Variants in CLCN5 observed in about 807,000 individuals in gnomAD.
The protein encoded by CLCN5 is H(+)/Cl(-) exchange transporter 5.
A neutral mutation model predicts 54.0 loss-of-function variants in CLCN5; 17 were observed. The observed-to-expected ratio is 0.31, with a 90% CI of 0.22 to 0.47. The LOEUF (loss-of-function observed/expected upper bound fraction) is 0.47, where lower values mean the gene tolerates loss of function less well. Ranked by LOEUF, CLCN5 falls within the 20% of genes least tolerant of loss-of-function variation. The pLI is 1.00. For missense variants in CLCN5, 448 were observed against 646.7 expected, an observed-to-expected ratio of 0.69 and a Z score of 3.33; for synonymous variants, 222 against 233.0, an observed-to-expected ratio of 0.95 and a Z score of 0.43.
intron 3 of CLCN5, among the ~76,000 whole-genome samples, chrX:49,934,298 A>G (rs1557169267): frequency 8.9e-6 from 1 of 111,792 alleles, no homozygotes; most frequent in East Asian, 2.8e-4. Flanking sequence ...AGCTTATGAA[A>G]TAAACTATAA....
chrX:50,090,955 A>G (rs1934077308), intron 14 of CLCN5, 69 bp downstream of exon 14: 1 of 917,610 alleles, frequency 1.1e-6, no homozygotes, highest in African/African-American at 1.9e-5. Flanking sequence ...AAAGAAGTAG[A>G]AAGAAGTAGA....
chrX:49,969,497 T>C (rs1408692261), intron 3 of CLCN5, among the ~76,000 whole-genome samples: 8 of 112,604 alleles, frequency 7.1e-5, no homozygotes, highest in African/African-American at 9.7e-5. Flanking sequence ...GTTTCTAATT[T>C]TCCTTTTGAT....
rs1557195253 is a variant in CLCN5 at position 50,094,357 on chromosome X, C to A, written c.*2138C>A. 9.0e-6 allele frequency: 1 copy of A among 111,673 alleles called. No homozygotes were observed. The highest frequency in any genetic ancestry group is 1.9e-5 in the Non-Finnish European group (1 of 53,178). The allele number at this position is 111,673 out of a possible 1,213,427, so 9.2% of individuals were successfully genotyped here. A position where few individuals can be genotyped will look rare whatever the true frequency, so the allele number is the denominator to read the frequency against. On this transcript the variant is annotated 3_prime_UTR_variant, in exon 15 of 15. Coordinates refer to ENST00000376091, the MANE Select transcript of CLCN5 (RefSeq NM_001127898.4). Reference sequence around the variant, plus strand: ...CTTCATATGAGACTATTTGGCTTGACTACCCTGTATATTGTGTAGAAATCA... The same window carrying A: ...CTTCATATGAGACTATTTGGCTTGAATACCCTGTATATTGTGTAGAAATCA...
At chrX:49,976,521 ATGT>A (rs1557176922) in intron 3 of CLCN5, among the ~76,000 whole-genome samples, 1 of 112,376 alleles carries the variant, frequency 8.9e-6, no homozygotes, top group Non-Finnish European at 1.9e-5. Context: ...GGTAAGGATG[ATGT>A]TGTTACAAAG....
At position 49,968,898 on chromosome X, in the gene CLCN5, A is replaced by C. The variant is rs782733512; in HGVS notation, c.16+43584A>C. 6.3e-5 allele frequency among the ~76,000 whole-genome samples: 6 copies of C among 94,586 alleles called. No homozygotes were observed. In the East Asian group the frequency reaches 1.8e-3, roughly 29 times the overall value. The allele number at this position is 94,586 out of a possible 115,157, so 82.1% of individuals were successfully genotyped here. A position where few individuals can be genotyped will look rare whatever the true frequency, so the allele number is the denominator to read the frequency against. Reference sequence around the variant, plus strand: ...AACAGGCAACCTACAACATGGGAGAAAATTTTTGCAACCTACTCATCTGAC... The same window carrying C: ...AACAGGCAACCTACAACATGGGAGACAATTTTTGCAACCTACTCATCTGAC... On this transcript the variant is annotated intron_variant, in intron 3 of 14. Coordinates refer to ENST00000376091, the MANE Select transcript of CLCN5 (RefSeq NM_001127898.4).
At chrX:50,027,055 C>T (rs1931441494) in intron 3 of CLCN5, among the ~76,000 whole-genome samples, 1 of 97,979 alleles carries the variant, frequency 1.0e-5, no homozygotes. Flanking sequence ...TGGCCTGTTG[C>T]CCAGGCTGGA....
At chrX:50,028,056 G>A (rs1408084926) in intron 3 of CLCN5, among the ~76,000 whole-genome samples, 12 of 111,822 alleles carry the variant, frequency 1.1e-4, no homozygotes, top group Admixed American at 6.6e-4. Context: ...TGAGAGAATG[G>A]AAGCATTCTG....
At chrX:50,047,423 CCACAT>C (rs1557187864) in intron 4 of CLCN5, among the ~76,000 whole-genome samples, 1 of 111,500 alleles carries the variant, frequency 9.0e-6, no homozygotes, top group Non-Finnish European at 1.9e-5. Context: ...GGGCTATAAA[CCACAT>C]CAATGTAATA....
intron 3 of CLCN5, among the ~76,000 whole-genome samples, chrX:49,953,261 T>G (rs1305589803): frequency 1.8e-5 from 2 of 112,108 alleles, no homozygotes; most frequent in African/African-American, 6.5e-5. Context: ...ATTGTAGATA[T>G]GTTTCTATAT....
chrX:50,079,451 C>G (rs782749605), intron 7 of CLCN5, among the ~76,000 whole-genome samples: 37 of 112,137 alleles, frequency 3.3e-4, no homozygotes, highest in Admixed American at 9.4e-4. Flanking sequence ...GCATAACTTC[C>G]TAATCAAAAT....
intron 3 of CLCN5, among the ~76,000 whole-genome samples, chrX:49,935,361 G>A (rs111369165): frequency 0.058 from 6,491 of 111,540 alleles, 503 homozygotes; most frequent in African/African-American, 0.2. Context: ...TGGTCCTTGA[G>A]GGCATTGACT....
At chrX:50,043,833 AG>A (rs1350671197) in intron 4 of CLCN5, among the ~76,000 whole-genome samples, 2 of 112,041 alleles carry the variant, frequency 1.8e-5, no homozygotes, top group Non-Finnish European at 3.8e-5. Context: ...TAGAAAGGAC[AG>A]TATCACTTTA....
chrX:50,014,436 C>T (rs1171111792), intron 3 of CLCN5, among the ~76,000 whole-genome samples: 2 of 112,294 alleles, frequency 1.8e-5, no homozygotes, highest in African/African-American at 6.5e-5. Flanking sequence ...CCTAATATTC[C>T]TGCACGTGCT....
At chrX:50,001,989 A>G (rs1368265366) in intron 3 of CLCN5, among the ~76,000 whole-genome samples, 3 of 110,111 alleles carry the variant, frequency 2.7e-5, no homozygotes, top group Non-Finnish European at 5.7e-5. Context: ...TTCCACACTC[A>G]TGAGGTTGTC....
rs1194894564 is a variant in CLCN5 at position 50,098,017 on chromosome X, A to G, written c.*5798A>G. 9.0e-6 allele frequency: 1 copy of G among 111,668 alleles called. No homozygotes were observed. The highest frequency in any genetic ancestry group is 3.3e-5 in the African/African-American group (1 of 30,581). 9.2% of individuals were successfully genotyped at this position (111,668 alleles called of 1,213,427 possible). ...TCACATTAAGGGTACCTCAAAATACATGGTCCTTCCAGTGTGTTCCTTTTC... is the reference window on the plus strand; with the variant it reads ...TCACATTAAGGGTACCTCAAAATACGTGGTCCTTCCAGTGTGTTCCTTTTC... On this transcript the variant is annotated 3_prime_UTR_variant, in exon 15 of 15. Transcript: ENST00000376091.
intron 7 of CLCN5, among the ~76,000 whole-genome samples, chrX:50,077,963 G>A (rs1232065056): frequency 9.5e-6 from 1 of 105,390 alleles, no homozygotes; most frequent in Non-Finnish European, 1.9e-5. Flanking sequence ...GGGAGGCGGA[G>A]GTTGCAGTGA....
chrX:50,038,137 G>C (rs1277482007), intron 3 of CLCN5, among the ~76,000 whole-genome samples: 3 of 111,868 alleles, frequency 2.7e-5, no homozygotes, highest in Non-Finnish European at 5.6e-5. Context: ...CACTGGAGAA[G>C]TTTGGAAAAT....
intron 3 of CLCN5, among the ~76,000 whole-genome samples, chrX:50,001,677 C>A (rs782044310): frequency 1.0e-5 from 1 of 95,919 alleles, no homozygotes; most frequent in South Asian, 5.5e-4. Flanking sequence ...CAAGTGTTCT[C>A]ATTGTTCAAT....
intron 3 of CLCN5, among the ~76,000 whole-genome samples, chrX:49,938,346 A>G (rs782015562): frequency 8.9e-6 from 1 of 111,973 alleles, no homozygotes; most frequent in South Asian, 3.7e-4. Flanking sequence ...TCCTAAGCCA[A>G]AAGAACAAAG....
Sources: allele counts gnomAD v4.1 joint callset (sites outside exome capture counted in the v4.1 genomes callset), GRCh38; gene constraint gnomAD v4.1.1; transcripts MANE v1.5; gene names NCBI Gene and HGNC (gene_info 2026-07-23, HGNC 2026-07-21).